KYNU: variants seen among roughly 807,000 people sequenced by gnomAD.
KYNU encodes the protein L-kynurenine hydrolase.
A neutral mutation model predicts 59.2 loss-of-function variants in KYNU; 54 were observed. That is an observed-to-expected ratio of 0.91 (90% CI 0.73 to 1.14). KYNU has a LOEUF of 1.14. Among genes scored for constraint, KYNU ranks in the 50% most tolerant of loss-of-function variants. The pLI, the probability that KYNU is intolerant of heterozygous loss-of-function variation, is 0.00. For missense variants in KYNU, 567 were observed against 554.4 expected, an observed-to-expected ratio of 1.02 and a Z score of -0.23; for synonymous variants, 177 against 192.0, an observed-to-expected ratio of 0.92 and a Z score of 0.65.
chr2:143,007,702 G>A (rs1466194427), intron 10 of KYNU, among the ~76,000 whole-genome samples: 11 of 120,948 alleles, frequency 9.1e-5, no homozygotes, highest in Admixed American at 1.6e-4. Context: ...GACTAACAGC[G>A]GATCTCTCGG....
rs909261197 is a variant in KYNU at position 143,042,208 on chromosome 2, G to T, written c.*36G>T. On this transcript the variant is annotated 3_prime_UTR_variant, in exon 14 of 14. Coordinates refer to ENST00000264170, the MANE Select transcript of KYNU (RefSeq NM_003937.3). ...TAGAACAACTTAAGCAAATTATACT[G>T]AAAGCTGCTGTGGTTATTTCAGTAT... 1.9e-6 allele frequency: 3 copies of T among 1,595,326 alleles called. No individual in the cohort carries two copies. The highest frequency in any genetic ancestry group is 1.3e-5 in the African/African-American group (1 of 74,456).
At chr2:142,911,652 T>A (rs986952197) in intron 2 of KYNU, among the ~76,000 whole-genome samples, 3 of 152,202 alleles carry the variant, frequency 2.0e-5, no homozygotes, top group African/African-American at 7.2e-5. Context: ...CTCCAGCTTT[T>A]ATTCATTCAG....
At chr2:142,945,314 C>G (rs1390815153) in intron 4 of KYNU, among the ~76,000 whole-genome samples, 1 of 152,208 alleles carries the variant, frequency 6.6e-6, no homozygotes, top group African/African-American at 2.4e-5. Flanking sequence ...ACATTTTAAT[C>G]CTTTGTTGTC....
rs1459081594 is a variant in KYNU, at chr2:142,968,966, A to C, written c.729+8196A>C. Reference sequence around the variant, plus strand: ...CTCTGTCATTATGATACAGTTCAAAAGATGAAGGTATGAAAGGACAGATCC... The same window carrying C: ...CTCTGTCATTATGATACAGTTCAAACGATGAAGGTATGAAAGGACAGATCC... On this transcript the variant is annotated intron_variant, in intron 8 of 13. Transcript: ENST00000264170. 3.9e-5 allele frequency among the ~76,000 whole-genome samples: 6 copies of C among 152,180 alleles called. No individual in the cohort carries two copies. In the South Asian group the frequency reaches 1.2e-3, roughly 31 times the overall value.
chr2:142,878,981 C>G (rs993044972), intron 1 of KYNU, among the ~76,000 whole-genome samples: 3 of 152,100 alleles, frequency 2.0e-5, no homozygotes, highest in African/African-American at 7.2e-5. Context: ...TGTCCCCCGT[C>G]TTGATAAAAT....
intron 10 of KYNU, among the ~76,000 whole-genome samples, chr2:142,987,593 G>T (rs552135438): frequency 1.3e-5 from 2 of 152,070 alleles, no homozygotes; most frequent in African/African-American, 2.4e-5. Context: ...TCTTTCAGGG[G>T]TCTGTCACCT....
chr2:142,933,004 A>C (rs1194443775), intron 4 of KYNU, among the ~76,000 whole-genome samples: 1 of 152,180 alleles, frequency 6.6e-6, no homozygotes, highest in East Asian at 1.9e-4. Flanking sequence ...GTTTCTATGA[A>C]TAGAGCATAC....
chr2:143,023,977 G>A (rs10496939), intron 10 of KYNU, among the ~76,000 whole-genome samples: 90,514 of 151,304 alleles, frequency 0.6, 29,451 homozygotes, highest in African/African-American at 0.86. Flanking sequence ...ATTGTACTAC[G>A]AAGCAAAGAC....
rs1687344986 is a variant in KYNU at position 143,055,779 on chromosome 2, A to T, written c.*13607A>T. 1 of 152,122 alleles carries T rather than the reference A, an allele frequency of 6.6e-6. No homozygotes were observed. The highest frequency in any genetic ancestry group is 2.1e-4 in the South Asian group (1 of 4,830). The allele number at this position is 152,122 out of a possible 1,614,324, so 9.4% of individuals were successfully genotyped here. A position where few individuals can be genotyped will look rare whatever the true frequency, so the allele number is the denominator to read the frequency against. ...TGAAAACTGGGTGAATAATATGTGG[A>T]ATTCTCTCTATTTTTGTTAATGTTG... On this transcript the variant is annotated 3_prime_UTR_variant, in exon 14 of 14. Transcript: ENST00000264170.
rs1159604544 is a variant in KYNU, at chr2:142,952,419, GTTTTC to G, written c.374-2388_374-2384del. Among the ~76,000 whole-genome samples the G allele has an allele frequency of 4.6e-5, 7 of 151,936 alleles. No individual in the cohort carries two copies. The East Asian group carries it at 1.4e-3, about 29-fold the overall frequency. ...TTTATTTGTTTTTGTTTGTTTGTTTGTTTTCTTATTTCTTTCTTTGTTTTTGTTTT... is the reference window on the plus strand; with the variant it reads ...TTTATTTGTTTTTGTTTGTTTGTTTGTTATTTCTTTCTTTGTTTTTGTTTT... On this transcript the variant is annotated intron_variant, in intron 4 of 13. Coordinates refer to ENST00000264170, the MANE Select transcript of KYNU (RefSeq NM_003937.3).
chr2:142,951,636 T>G (rs1394098743), intron 4 of KYNU, among the ~76,000 whole-genome samples: 1 of 152,252 alleles, frequency 6.6e-6, no homozygotes, highest in African/African-American at 2.4e-5. Context: ...GTCATATTTG[T>G]AGTAAACACT....
At chr2:143,023,585 G>A (rs1686467411) in intron 10 of KYNU, among the ~76,000 whole-genome samples, 2 of 151,784 alleles carry the variant, frequency 1.3e-5, no homozygotes, top group South Asian at 2.1e-4. Context: ...GAGTGTTGGT[G>A]TGGTATTGTG....
At chr2:142,930,975 A>C (rs115515142) in intron 4 of KYNU, among the ~76,000 whole-genome samples, 1,546 of 152,310 alleles carry the variant, frequency 0.01, 22 homozygotes, top group African/African-American at 0.036. Context: ...AAGTGAGGAC[A>C]AGACAAAGGT....
chr2:143,000,604 C>G (rs1334655363), intron 10 of KYNU, among the ~76,000 whole-genome samples: 18 of 152,034 alleles, frequency 1.2e-4, no homozygotes, highest in Non-Finnish European at 7.3e-5. Flanking sequence ...TGTTACATAT[C>G]CTTTTGAAAG....
chr2:142,894,507 A>T (rs565978527), intron 2 of KYNU, among the ~76,000 whole-genome samples: 1 of 152,224 alleles, frequency 6.6e-6, no homozygotes, highest in Admixed American at 6.5e-5. Flanking sequence ...CAACATGAGC[A>T]CCTCTGTGTA....
At chr2:142,966,800 T>C (rs189279198) in intron 8 of KYNU, among the ~76,000 whole-genome samples, 13 of 152,226 alleles carry the variant, frequency 8.5e-5, no homozygotes, top group South Asian at 2.1e-4. Context: ...ACTTAGTGCT[T>C]AGCAGATGGT....
At chr2:142,985,209 C>A (rs745677354) in intron 9 of KYNU, 27 bp downstream of exon 9, 2 of 1,332,378 alleles carry the variant, frequency 1.5e-6, no homozygotes, top group East Asian at 2.3e-5. Flanking sequence ...ACATTTACAT[C>A]CCTTTATTTC....
At position 143,042,927 on chromosome 2, in the gene KYNU, C is replaced by T. The variant is rs1687098963; in HGVS notation, c.*755C>T. ...TGCATCTCAAATAAACAGTTACCAT[C>T]TTCTATTTGATAAAATAGTCTAAAT... On this transcript the variant is annotated 3_prime_UTR_variant, in exon 14 of 14. Transcript: ENST00000264170. 2 of 146,092 alleles carry T rather than the reference C, an allele frequency of 1.4e-5. No homozygotes were observed. The highest frequency in any genetic ancestry group is 1.4e-4 in the Admixed American group (2 of 14,636). 9.0% of individuals were successfully genotyped at this position (146,092 alleles called of 1,614,324 possible). A position where few individuals can be genotyped will look rare whatever the true frequency, so the allele number is the denominator to read the frequency against.
At position 143,055,277 on chromosome 2, in the gene KYNU, G is replaced by A. The variant is rs1377773838; in HGVS notation, c.*13105G>A. ...CCTTGGCAGGGTGACGTTTCTTTCT[G>A]GAGGTTCCAGGGGGAACTCTGTTTT... On this transcript the variant is annotated 3_prime_UTR_variant, in exon 14 of 14. Transcript: ENST00000264170. The A allele has an allele frequency of 2.0e-5, 3 of 152,144 alleles. No homozygotes were observed. Among genetic ancestry groups the A allele is most frequent in the African/African-American group, 7.2e-5 (3 of 41,432 alleles). The allele number at this position is 152,144 out of a possible 1,614,324, so 9.4% of individuals were successfully genotyped here. A position where few individuals can be genotyped will look rare whatever the true frequency, so the allele number is the denominator to read the frequency against.
Sources: allele counts gnomAD v4.1 joint callset (sites outside exome capture counted in the v4.1 genomes callset), GRCh38; gene constraint gnomAD v4.1.1; transcripts MANE v1.5; gene names NCBI Gene and HGNC (gene_info 2026-07-23, HGNC 2026-07-21).